The following CUX2 variants were observed in gnomAD, a reference collection of about 807,000 sequenced individuals.
CUX2 encodes cut like homeobox 2.
In CUX2, 40 loss-of-function variants were observed where a neutral mutation model predicts 144.8. The ratio of observed to expected loss-of-function variants is 0.28; its 90% CI spans 0.21 to 0.36. The LOEUF (loss-of-function observed/expected upper bound fraction) is 0.36. CUX2 is among the 10% of genes least tolerant of loss of function. CUX2 has a pLI of 1.00. For synonymous variants in CUX2, 827 were observed against 875.6 expected (o/e 0.94, Z 0.98); for missense variants, 1,615 against 1,994.0 (o/e 0.81, Z 3.62).
rs555792758 is a variant in CUX2, at chr12:111,079,443, C to T, written c.63+45203C>T. On this transcript the variant is annotated intron_variant, in intron 1 of 21. Coordinates refer to ENST00000261726, the MANE Select transcript of CUX2 (RefSeq NM_015267.4). ...CAGATGAGGCTCAGGCAGGGGCAGT[C>T]GCTTGCCTGCAGTCACACAGCCCTA... Among the ~76,000 whole-genome samples, 146 of 152,236 alleles carry T rather than the reference C, an allele frequency of 9.6e-4. 2 individuals are homozygous for T. The highest frequency in any genetic ancestry group is 3.2e-3 in the African/African-American group (131 of 41,542).
Position 111,295,292 on chromosome 12 carries a change from T to C in CUX2, c.561-41T>C. 1 of 1,601,252 alleles carries C rather than the reference T, an allele frequency of 6.2e-7. No individual in the cohort carries two copies. Among genetic ancestry groups the C allele is most frequent in the East Asian group, 2.2e-5 (1 of 44,466 alleles). ...CGACTCGGGGGCCCCAGGCAAGGCC[T>C]GTCCCTGCAGCCAGCACAAGCAGGC... On this transcript the variant is annotated intron_variant, in intron 6 of 21. Transcript: ENST00000261726. The surrounding 1 kb of genome is among the most constrained non-coding windows in gnomAD (Gnocchi z 5.0).
In CUX2 at chr12:111,245,980, T is replaced by C. The variant is rs140736040; in HGVS notation, c.223-17781T>C. Among the ~76,000 whole-genome samples, 64 of 151,718 alleles carry C rather than the reference T, an allele frequency of 4.2e-4. 1 individual carries two copies. The East Asian group carries it at 9.5e-3, about 23-fold the overall frequency. On this transcript the variant is annotated intron_variant, in intron 3 of 21. Coordinates refer to ENST00000261726, the MANE Select transcript of CUX2 (RefSeq NM_015267.4). ...GGACTCTGTAAGCCATCTGAAGGAG[T>C]GGCCTGTACCCCGCTCAGGCAGATT... is the stretch of plus-strand genomic sequence containing the variant.
chr12:111,093,419 G>T (rs539715167), intron 1 of CUX2, among the ~76,000 whole-genome samples: 1 of 152,242 alleles, frequency 6.6e-6, no homozygotes, highest in Admixed American at 6.5e-5. Flanking sequence ...TGTGTGGGGC[G>T]GTGAGCAAGT....
At chr12:111,205,626 C>T (rs751990055) in intron 1 of CUX2, among the ~76,000 whole-genome samples, 6 of 152,184 alleles carry the variant, frequency 3.9e-5, no homozygotes, top group Non-Finnish European at 8.8e-5. Context: ...ACCCTAGACA[C>T]CAAGCCAAGC....
rs540049414 is a variant in CUX2, at chr12:111,295,836, G to A, written c.637+427G>A. Among the ~76,000 whole-genome samples the A allele has an allele frequency of 1.4e-4, 22 of 152,102 alleles. No homozygotes were observed. Among genetic ancestry groups the A allele is most frequent in the African/African-American group, 4.3e-4 (18 of 41,486 alleles). On this transcript the variant is annotated intron_variant, in intron 7 of 21. Transcript: ENST00000261726. The surrounding 1 kb of genome is among the most constrained non-coding windows in gnomAD (Gnocchi z 5.0). ...ACCAAGCCACCGACTTAGGGGAGGC[G>A]TTGGGGAGGGGTGAGGTCTGGGGCA...
intron 1 of CUX2, among the ~76,000 whole-genome samples, chr12:111,047,130 G>C (rs1210295277): frequency 6.7e-6 from 1 of 149,716 alleles, no homozygotes; most frequent in Non-Finnish European, 1.5e-5. Context: ...ATCCATCCCC[G>C]GCCCCCGCTG....
chr12:111,102,666 G>A (rs1873329833), intron 1 of CUX2, among the ~76,000 whole-genome samples: 1 of 152,186 alleles, frequency 6.6e-6, no homozygotes, highest in South Asian at 2.1e-4. Flanking sequence ...ATTTTATGGG[G>A]AGAAAGCTGA....
rs528528991 is a variant in CUX2 at position 111,145,728 on chromosome 12, G to A, written c.64-68472G>A. ...GTCACCCAGGCTGGAGTGCAGTGGC[G>A]TGATCTCGGCTCTCTGCAGTCTCTG... is the stretch of plus-strand genomic sequence containing the variant. On this transcript the variant is annotated intron_variant, in intron 1 of 21. Transcript: ENST00000261726. 6.6e-5 allele frequency among the ~76,000 whole-genome samples: 10 copies of A among 151,784 alleles called. No individual in the cohort carries two copies. In the East Asian group the frequency reaches 1.4e-3, roughly 21 times the overall value.
At chr12:111,053,565 T>C (rs1434175938) in intron 1 of CUX2, among the ~76,000 whole-genome samples, 1 of 152,216 alleles carries the variant, frequency 6.6e-6, no homozygotes, top group African/African-American at 2.4e-5. Context: ...TCCTCCATAC[T>C]CCTCACACTT....
At chr12:111,185,147 C>T (rs1291991692) in intron 1 of CUX2, among the ~76,000 whole-genome samples, 1 of 152,194 alleles carries the variant, frequency 6.6e-6, no homozygotes, top group Non-Finnish European at 1.5e-5. Flanking sequence ...TCTGTATTTG[C>T]TTGAATATAA....
At chr12:111,102,117 C>T (rs1790149576) in intron 1 of CUX2, among the ~76,000 whole-genome samples, 1 of 152,216 alleles carries the variant, frequency 6.6e-6, no homozygotes. Context: ...TGCTGTCAGG[C>T]AGCTGCTGTG....
intron 1 of CUX2, among the ~76,000 whole-genome samples, chr12:111,147,876 A>G (rs560735064): frequency 6.0e-4 from 92 of 152,322 alleles, no homozygotes; most frequent in African/African-American, 2.0e-3. Context: ...TCCCAGACAC[A>G]GGGGCTGACT....
intron 2 of CUX2, among the ~76,000 whole-genome samples, chr12:111,214,870 T>C (rs752784766): frequency 2.6e-5 from 4 of 152,096 alleles, no homozygotes; most frequent in Non-Finnish European, 5.9e-5. Context: ...CCCAGCAATG[T>C]AAGGGCCCCC....
intron 18 of CUX2, among the ~76,000 whole-genome samples, chr12:111,331,573 G>A (rs1888122365): frequency 6.6e-6 from 1 of 151,816 alleles, no homozygotes; most frequent in Non-Finnish European, 1.5e-5. Context: ...AGGTGGAGGT[G>A]GTAGAGGAGG....
intron 3 of CUX2, among the ~76,000 whole-genome samples, chr12:111,218,611 G>T (rs146486685): frequency 6.6e-6 from 1 of 152,034 alleles, no homozygotes; most frequent in Non-Finnish European, 1.5e-5. Flanking sequence ...AAAATCAGAG[G>T]TTGGTACTAG....
At chr12:111,175,341 CT>C (rs5800922) in intron 1 of CUX2, among the ~76,000 whole-genome samples, 78,192 of 123,774 alleles carry the variant, frequency 0.63, 26,957 homozygotes, top group Non-Finnish European at 0.78. Flanking sequence ...CCACCCACAC[CT>C]TTTTTTTTTT....
At chr12:111,286,952 G>A (rs1031296952) in intron 4 of CUX2, among the ~76,000 whole-genome samples, 1 of 152,128 alleles carries the variant, frequency 6.6e-6, no homozygotes, top group African/African-American at 2.4e-5. Context: ...AGGCCCCATG[G>A]GATCTGGACC....
At chr12:111,112,872 G>A (rs1419409632) in intron 1 of CUX2, among the ~76,000 whole-genome samples, 1 of 152,208 alleles carries the variant, frequency 6.6e-6, no homozygotes, top group Admixed American at 6.5e-5. Flanking sequence ...TAAGTACTGG[G>A]TCATTGGACA....
At chr12:111,103,938 T>C (rs1041447617) in intron 1 of CUX2, among the ~76,000 whole-genome samples, 1 of 152,238 alleles carries the variant, frequency 6.6e-6, no homozygotes, top group Non-Finnish European at 1.5e-5. Flanking sequence ...AGCAGCTCTT[T>C]CCTAGGCTTT....
Sources: gnomAD v4.1 joint callset for allele counts (sites outside exome capture counted in the v4.1 genomes callset) on GRCh38, gnomAD v4.1.1 for gene constraint, Gnocchi (gnomAD v3.1) non-coding constraint, MANE v1.5 for transcripts, NCBI Gene and HGNC (gene_info 2026-07-23, HGNC 2026-07-21) for gene names.